The following DNAH6 variants were observed in gnomAD, a reference collection of about 807,000 sequenced individuals.
DNAH6 encodes the protein dynein axonemal heavy chain 6.
Under a neutral mutation model 491.4 loss-of-function variants are expected in DNAH6, and 340 were observed. That is an observed-to-expected ratio of 0.69 (90% CI 0.63 to 0.76). DNAH6 has a LOEUF of 0.76. Ranked by LOEUF, DNAH6 falls within the 30% of genes least tolerant of loss-of-function variation. DNAH6 has a pLI of 0.00. For synonymous variants in DNAH6, 1,603 were observed against 1,686.1 expected, an observed-to-expected ratio of 0.95 and a Z score of 1.21; for missense variants, 4,443 against 4,972.2, an observed-to-expected ratio of 0.89 and a Z score of 3.20.
intron 18 of DNAH6, among the ~76,000 whole-genome samples, chr2:84,598,882 T>A (rs1184830869): frequency 6.6e-6 from 1 of 152,004 alleles, no homozygotes; most frequent in Admixed American, 6.6e-5. Flanking sequence ...ATACAAAAAT[T>A]AGCTGGGCGT....
At chr2:84,712,727 A>C (rs1697167644) in intron 56 of DNAH6, among the ~76,000 whole-genome samples, 1 of 152,248 alleles carries the variant, frequency 6.6e-6, no homozygotes, top group South Asian at 2.1e-4. Context: ...TCATTTGCCA[A>C]TCCCTGGTTT....
chr2:84,718,490 A>C lies in DNAH6; in HGVS notation c.9792+106A>C, dbSNP rs3810820. ...GCTTTTAAAGCAAGACGGGGGCCAC[A>C]CTGGGCTTCCATGGACACACAGACG... is the stretch of plus-strand genomic sequence containing the variant. On this transcript the variant is annotated intron_variant, in intron 59 of 76. Transcript: ENST00000389394. The C allele has an allele frequency of 0.031, 29,147 of 927,170 alleles. 591 individuals carry two copies. The highest frequency in any genetic ancestry group is 0.062 in the Middle Eastern group (172 of 2,790). 57.4% of individuals were successfully genotyped at this position (927,170 alleles called of 1,614,324 possible).
At chr2:84,813,539 C>G (rs1161337307) in intron 74 of DNAH6, among the ~76,000 whole-genome samples, 1 of 152,190 alleles carries the variant, frequency 6.6e-6, no homozygotes, top group African/African-American at 2.4e-5. Context: ...GGCTAGAGAG[C>G]CTCAGAGGGG....
intron 14 of DNAH6, among the ~76,000 whole-genome samples, chr2:84,580,156 A>G (rs1421509063): frequency 2.0e-5 from 3 of 152,230 alleles, no homozygotes; most frequent in Admixed American, 6.5e-5. Context: ...GTCTGGCTGC[A>G]TAATAGTCAG....
chr2:84,705,665 G>A lies in DNAH6; in HGVS notation c.8645G>A (p.Cys2882Tyr). Residue 2882 changes from cysteine to tyrosine, a missense_variant, in exon 52 of 77, where the codon TGC becomes TAC. Around this residue, in one of 3 missense-constraint regions of DNAH6, gnomAD observed 1,463 missense variants for 1,656.6 expected, o/e 0.88. Transcript: ENST00000389394. ...GTGTCCAAAGCATGTAAATCTATGT[G>A]CATGTGGGTAAGAGCTATGGATTTG... ...EKVSKACKSM[C>Y]MWVRAMDLYS... 1.3e-6 allele frequency: 2 copies of A among 1,551,664 alleles called. No individual in the cohort carries two copies. Among genetic ancestry groups the A allele is most frequent in the Non-Finnish European group, 8.7e-7 (1 of 1,146,976 alleles).
chr2:84,492,102 T>C, the DNAH6 span, among the ~76,000 whole-genome samples: 1 of 152,340 alleles, frequency 6.6e-6, no homozygotes, highest in East Asian at 1.9e-4. Flanking sequence ...AGACCCCATC[T>C]TGGGAATGCC....
In DNAH6 at chr2:84,814,137, G is replaced by T; in HGVS notation, c.12150+15G>T. 6.5e-7 allele frequency: 1 copy of T among 1,548,744 alleles called. No homozygotes were observed. Among genetic ancestry groups the T allele is most frequent in the Non-Finnish European group, 8.7e-7 (1 of 1,144,990 alleles). On this transcript the variant is annotated intron_variant, in intron 75 of 76. Transcript: ENST00000389394. ...TGGACATGGAGGTATTGTCCACCTG[G>T]CTGTTATGGCAAAGCAGCTTCTATC...
intron 30 of DNAH6, among the ~76,000 whole-genome samples, chr2:84,635,209 C>T (rs1162105422): frequency 3.9e-5 from 6 of 152,082 alleles, no homozygotes; most frequent in East Asian, 1.9e-4. Flanking sequence ...TTTTGATTAT[C>T]GCCCTCTGCA....
intron 70 of DNAH6, among the ~76,000 whole-genome samples, chr2:84,798,029 G>A (rs1309692294): frequency 6.6e-6 from 1 of 152,126 alleles, no homozygotes; most frequent in Non-Finnish European, 1.5e-5. Context: ...ATTACACAAA[G>A]GTCTGTGGAT....
At chr2:84,814,213 A>T in intron 75 of DNAH6, 91 bp downstream of exon 75, 1 of 1,336,318 alleles carries the variant, frequency 7.5e-7, no homozygotes, top group Admixed American at 2.3e-5. Flanking sequence ...CTCCCCCACC[A>T]CCTCCCATTG....
chr2:84,554,563 T>C (rs192024106), intron 10 of DNAH6, among the ~76,000 whole-genome samples: 88 of 152,334 alleles, frequency 5.8e-4, no homozygotes, highest in Middle Eastern at 3.4e-3. Flanking sequence ...TATTTGACTT[T>C]AGGAAAACCG....
intron 8 of DNAH6, 122 bp downstream of exon 8, chr2:84,548,539 A>G: frequency 9.2e-7 from 1 of 1,085,628 alleles, no homozygotes; most frequent in African/African-American, 1.6e-5. Flanking sequence ...ATCACTATGT[A>G]TATCAAAGCA....
At chr2:84,562,562 A>T (rs1008182807) in intron 11 of DNAH6, among the ~76,000 whole-genome samples, 3 of 152,176 alleles carry the variant, frequency 2.0e-5, no homozygotes, top group Non-Finnish European at 4.4e-5. Context: ...AGATGCTATG[A>T]TTTGCTAAGA....
intron 18 of DNAH6, among the ~76,000 whole-genome samples, chr2:84,603,680 C>T (rs1263625335): frequency 6.6e-6 from 1 of 152,144 alleles, no homozygotes; most frequent in Non-Finnish European, 1.5e-5. Context: ...TTTTGTCCCT[C>T]CCTCAAGGGT....
In DNAH6 at chr2:84,595,800, T is replaced by C; in HGVS notation, c.2868+11T>C. The C allele has an allele frequency of 6.5e-7, 1 of 1,536,244 alleles. No homozygotes were observed. The highest frequency in any genetic ancestry group is 1.2e-5 in the South Asian group (1 of 80,156). Reference sequence around the variant, plus strand: ...AAAATGAAAGAAAAGGTAAGGTTGGTAGAAGTTATTTCAAAAACTGTAGGC... The same window carrying C: ...AAAATGAAAGAAAAGGTAAGGTTGGCAGAAGTTATTTCAAAAACTGTAGGC... On this transcript the variant is annotated intron_variant, in intron 18 of 76. Coordinates refer to ENST00000389394, the MANE Select transcript of DNAH6 (RefSeq NM_001370.2).
intron 45 of DNAH6, among the ~76,000 whole-genome samples, chr2:84,688,992 A>C: frequency 6.6e-6 from 1 of 152,226 alleles, no homozygotes; most frequent in East Asian, 1.9e-4. Context: ...ACCTGCTTGC[A>C]TGTCTGACTC....
At chr2:84,728,467 T>A (rs1192329) in intron 61 of DNAH6, among the ~76,000 whole-genome samples, 5,476 of 152,324 alleles carry the variant, frequency 0.036, 150 homozygotes, top group South Asian at 0.061. Context: ...GTGTAATGTA[T>A]CATTTAACCT....
At chr2:84,529,637 C>CATTTGTTGTTGCCGT (rs1558668279) in intron 4 of DNAH6, among the ~76,000 whole-genome samples, 1 of 152,142 alleles carries the variant, frequency 6.6e-6, no homozygotes, top group Non-Finnish European at 1.5e-5. Flanking sequence ...GTTGTTGCCG[C>CATTTGTTGTTGCCGT]ACATTTGTTG....
intron 7 of DNAH6, 86 bp downstream of exon 7, chr2:84,547,698 AAAT>A: frequency 7.6e-7 from 1 of 1,318,398 alleles, no homozygotes; most frequent in Non-Finnish European, 1.0e-6. Context: ...TCTTAAGTTT[AAAT>A]AATGATTCTA....
Sources: gnomAD v4.1 joint callset for allele counts (sites outside exome capture counted in the v4.1 genomes callset) on GRCh38, gnomAD v4.1.1 for gene constraint, gnomAD v4.1.1 regional missense constraint, MANE v1.5 for transcripts, NCBI Gene and HGNC (gene_info 2026-07-23, HGNC 2026-07-21) for gene names.